ZBTB37: variants seen among roughly 807,000 people sequenced by gnomAD.
The protein encoded by ZBTB37 is zinc finger and BTB domain-containing protein 37.
Under a neutral mutation model 37.7 loss-of-function variants are expected in ZBTB37, and 15 were observed. The ratio of observed to expected loss-of-function variants is 0.40; its 90% confidence interval spans 0.27 to 0.61. ZBTB37 has a LOEUF of 0.61. Among genes scored for constraint, ZBTB37 ranks in the 20% least tolerant of loss-of-function variants. ZBTB37 has a pLI of 0.44. For missense variants in ZBTB37, 514 were observed against 641.9 expected, an observed-to-expected ratio of 0.80 and a Z score of 2.15; for synonymous variants, 231 against 220.6, an observed-to-expected ratio of 1.05 and a Z score of -0.42.
chr1:173,871,033 G>A, exon 3 of ZBTB37: 4 of 1,614,234 alleles, frequency 2.5e-6, no homozygotes, highest in Non-Finnish European at 3.4e-6. Flanking sequence ...TAGTGCAGAG[G>A]AAGTAACAGC....
chr1:173,882,595 T>A (rs543577097), intron 4 of ZBTB37, among the ~76,000 whole-genome samples: 140 of 152,344 alleles, frequency 9.2e-4, no homozygotes, highest in Non-Finnish European at 1.3e-3. Flanking sequence ...AGATCCCGTT[T>A]GTCTATTTTG....
At chr1:173,899,609 A>G (rs1190592645) in exon 4 of ZBTB37, 1 of 152,206 alleles carries the variant, frequency 6.6e-6, no homozygotes, top group Non-Finnish European at 1.5e-5. Flanking sequence ...GTTGCACATT[A>G]GAATTGCATA....
exon 3 of ZBTB37, chr1:173,871,021 A>C: frequency 6.2e-7 from 1 of 1,614,184 alleles, no homozygotes; most frequent in Non-Finnish European, 8.5e-7. Context: ...AGAAGATGGG[A>C]GTAGTGCAGA....
chr1:173,892,961 G>A (rs1190655474), exon 4 of ZBTB37: 1 of 152,204 alleles, frequency 6.6e-6, no homozygotes, highest in South Asian at 2.1e-4. Flanking sequence ...GGAGTGCAGT[G>A]GCTCAATCTT....
At chr1:173,870,115 C>T in intron 2 of ZBTB37, 85 bp from the exon 3 acceptor site, 2 of 891,620 alleles carry the variant, frequency 2.2e-6, no homozygotes. Context: ...TACCAGATAA[C>T]TATGTTTAAA....
chr1:173,898,610 T>G (rs1184817917), exon 4 of ZBTB37: 1 of 152,158 alleles, frequency 6.6e-6, no homozygotes, highest in Non-Finnish European at 1.5e-5. Flanking sequence ...AAGAGAGATA[T>G]TCTTGTTTTT....
exon 3 of ZBTB37, chr1:173,870,595 G>A: frequency 1.2e-6 from 2 of 1,614,096 alleles, no homozygotes; most frequent in Admixed American, 1.7e-5. Context: ...GATCCTGGAG[G>A]GCATTCATTT....
downstream of ZBTB37, chr1:173,891,262 C>CT (rs1178772083): frequency 6.6e-6 from 1 of 152,202 alleles, no homozygotes; most frequent in Non-Finnish European, 1.5e-5. Flanking sequence ...GGATTAAAAA[C>CT]TAATTTCATT....
At chr1:173,871,009 G>A (rs1655524700) in exon 3 of ZBTB37, 1 of 1,614,096 alleles carries the variant, frequency 6.2e-7, no homozygotes. Context: ...TCAGCCTTCT[G>A]GAGAAGATGG....
At chr1:173,892,786 AATAAATT>A (rs1656894017) in exon 4 of ZBTB37, 2 of 152,258 alleles carry the variant, frequency 1.3e-5, no homozygotes, top group Admixed American at 1.3e-4. Flanking sequence ...CAAACAAGGA[AATAAATT>A]ACAAAAGCAA....
intron 2 of ZBTB37, among the ~76,000 whole-genome samples, chr1:173,869,974 G>A (rs909314825): frequency 6.6e-6 from 1 of 152,150 alleles, no homozygotes; most frequent in African/African-American, 2.4e-5. Flanking sequence ...GAATTTTTAG[G>A]AGTCTAAAGA....
chr1:173,887,305 G>A (rs1006323204), downstream of ZBTB37: 14 of 152,090 alleles, frequency 9.2e-5, no homozygotes, highest in Non-Finnish European at 1.8e-4. Context: ...TATGTCTCGG[G>A]TCTGCAAACC....
chr1:173,875,593 C>T (rs1655919211), intron 4 of ZBTB37, among the ~76,000 whole-genome samples: 1 of 152,006 alleles, frequency 6.6e-6, no homozygotes. Flanking sequence ...TCCGAAAGTG[C>T]TGGGATTGCA....
intron 4 of ZBTB37, 59 bp from the exon 5 acceptor site, chr1:173,885,577 T>C (rs1185599979): frequency 1.7e-5 from 23 of 1,372,614 alleles, no homozygotes; most frequent in Non-Finnish European, 2.2e-5. Flanking sequence ...TTGATTGCTT[T>C]TAATATGTAT....
downstream of ZBTB37, chr1:173,889,344 T>A (rs1176284423): frequency 2.0e-5 from 3 of 151,798 alleles, no homozygotes; most frequent in African/African-American, 7.2e-5. Flanking sequence ...AAATGGACTT[T>A]GTTTGGTTGA....
intron 4 of ZBTB37, 140 bp downstream of exon 4, chr1:173,873,706 G>A: frequency 7.4e-7 from 1 of 1,355,618 alleles, no homozygotes; most frequent in Admixed American, 3.1e-5. Context: ...TTTTCCCTGA[G>A]GGTAGCAGAA....
In ZBTB37 at chr1:173,879,940, G is replaced by A. The variant is rs567217698; in HGVS notation, c.1024-5696G>A. Among the ~76,000 whole-genome samples the A allele has an allele frequency of 6.6e-5, 10 of 152,248 alleles. No homozygotes were observed. In the South Asian group the frequency reaches 2.1e-3, roughly 32 times the overall value. On this transcript the variant is annotated intron_variant, in intron 4 of 4. Coordinates refer to ENST00000427304, the Ensembl canonical transcript of ZBTB37. Reference sequence around the variant, plus strand: ...CACTCCAGCCTGGGCGACAAAGCGAGACTGTCTCAAAAAAGAACATGGAGA... The same window carrying A: ...CACTCCAGCCTGGGCGACAAAGCGAAACTGTCTCAAAAAAGAACATGGAGA...
chr1:173,889,858 A>G (rs185786510), downstream of ZBTB37: 1 of 152,312 alleles, frequency 6.6e-6, no homozygotes, highest in Non-Finnish European at 1.5e-5. Context: ...AGTTAAGGAA[A>G]ATTTTATTTT....
downstream of ZBTB37, chr1:173,887,417 A>G (rs532473093): frequency 4.6e-5 from 7 of 152,216 alleles, no homozygotes; most frequent in Non-Finnish European, 5.9e-5. Context: ...AACATCATGC[A>G]GAATCATGTT....
Sources: gnomAD v4.1 joint callset for allele counts (sites outside exome capture counted in the v4.1 genomes callset) on GRCh38, gnomAD v4.1.1 for gene constraint, MANE v1.5 for transcripts, NCBI Gene and HGNC (gene_info 2026-07-23, HGNC 2026-07-21) for gene names.